The following ZC3HC1 variants were observed in gnomAD, a reference collection of about 807,000 sequenced individuals.
ZC3HC1 encodes zinc finger C3HC-type containing 1, also known as zinc finger C3HC-type protein 1.
ZC3HC1 carries 38 observed loss-of-function variants against 61.9 expected under a neutral mutation model. The observed-to-expected ratio is 0.61, with a 90% confidence interval of 0.47 to 0.81. The LOEUF is 0.81. ZC3HC1 is among the 30% of genes least tolerant of loss of function. The pLI is 0.00. For synonymous variants in ZC3HC1, 213 were observed against 229.9 expected, an observed-to-expected ratio of 0.93 and a Z score of 0.67; for missense variants, 554 against 622.7, an observed-to-expected ratio of 0.89 and a Z score of 1.17.
Position 130,024,271 on chromosome 7 carries a change from A to G in ZC3HC1, c.1012T>C (p.Ser338Pro), listed in dbSNP as rs1410459684. The change falls in exon 7 of 10, where the codon TCA (serine) becomes CCA (proline). Residue 338 changes from serine (S) to proline (P), a missense_variant. Coordinates refer to ENST00000358303, the MANE Select transcript of ZC3HC1 (RefSeq NM_016478.5). ...ATAAGCTAAGTGAATACCTGCTCTG[A>G]GCCTGGGGAGAAAGTGGCATCCTGG... is the stretch of plus-strand genomic sequence containing the variant. ...RSQDATFSPG[S>P]EQAEKSPGPI... The G allele has an allele frequency of 6.2e-7, 1 of 1,609,600 alleles. No individual in the cohort carries two copies. The highest frequency in any genetic ancestry group is 8.5e-7 in the Non-Finnish European group (1 of 1,177,234).
At chr7:130,044,146 A>G (rs1474570810) in intron 2 of ZC3HC1, among the ~76,000 whole-genome samples, 1 of 152,144 alleles carries the variant, frequency 6.6e-6, no homozygotes, top group Non-Finnish European at 1.5e-5. Context: ...GAACAGTGGC[A>G]TCCCACTAGC....
intron 4 of ZC3HC1, among the ~76,000 whole-genome samples, chr7:130,038,139 G>A (rs1794496615): frequency 6.6e-6 from 1 of 152,102 alleles, no homozygotes; most frequent in African/African-American, 2.4e-5. Context: ...TACACTTTGG[G>A]CTCTCTTATT....
Position 130,051,362 on chromosome 7 carries a change from G to T in ZC3HC1, c.5C>A (p.Ala2Glu), listed in dbSNP as rs1388745327. Reference sequence around the variant, plus strand: ...AAACGCTTGTCCCTCACAGGGCGCCGCCATCTTGGTCCGCTGCCGAGTTGC... The same window carrying T: ...AAACGCTTGTCCCTCACAGGGCGCCTCCATCTTGGTCCGCTGCCGAGTTGC... M[A>E]APCEGQAFAV... Residue 2 changes from alanine to glutamate, a missense_variant, in exon 1 of 10, where the codon GCG becomes GAG. By Grantham distance (107) the Ala-to-Glu change is moderately radical. Transcript: ENST00000358303. 2 of 1,612,140 alleles carry T rather than the reference G, an allele frequency of 1.2e-6. No homozygotes were observed. Among genetic ancestry groups the T allele is most frequent in the East Asian group, 4.5e-5 (2 of 44,702 alleles).
At chr7:130,033,515 C>G (rs988443844) in intron 4 of ZC3HC1, among the ~76,000 whole-genome samples, 1 of 143,146 alleles carries the variant, frequency 7.0e-6, no homozygotes, top group African/African-American at 2.7e-5. Flanking sequence ...TGCAGTGACA[C>G]GATCCCGGCT....
upstream of ZC3HC1, chr7:130,051,427 G>C: frequency 6.2e-7 from 1 of 1,604,778 alleles, no homozygotes; most frequent in Non-Finnish European, 8.5e-7. Flanking sequence ...TCCGTCCTGG[G>C]AGGTTAATAT....
rs764973212 is a variant in ZC3HC1, at chr7:130,023,627, T to C, written c.1117A>G (p.Thr373Ala). 6.2e-7 allele frequency: 1 copy of C among 1,613,988 alleles called. No individual in the cohort carries two copies. Among genetic ancestry groups the C allele is most frequent in the Admixed American group, 1.7e-5 (1 of 59,998 alleles). Residue 373 changes from threonine to alanine, a missense_variant, in exon 8 of 10, where the codon ACC becomes GCC. Coordinates refer to ENST00000358303, the MANE Select transcript of ZC3HC1 (RefSeq NM_016478.5). This position sits in a 1 kb window ranked among gnomAD's most constrained non-coding sequence, Gnocchi z 4.2. ...RPEPEAASPT[T>A]RTRPVTRSMG... is the part of the protein sequence containing the mutation. ...CTTCGGGTCACTGGGCGAGTTCTGG[T>C]GGTGGGGCTAGCAGCCTCTGGCTCA...
chr7:130,035,717 T>C (rs1794406892), intron 4 of ZC3HC1, among the ~76,000 whole-genome samples: 1 of 152,134 alleles, frequency 6.6e-6, no homozygotes, highest in Non-Finnish European at 1.5e-5. Context: ...CTCCTGACCT[T>C]GTGGTCCTCC....
rs1479956249 is a variant in ZC3HC1, at chr7:130,029,168, C to T, written c.494-139G>A. ...GGCGGATCACCTGAGGTCAGGAGTT[C>T]AAGACCAACCTAGCCAACCTAGAAA... On this transcript the variant is annotated intron_variant, in intron 4 of 9. Transcript: ENST00000358303. The T allele has an allele frequency of 1.9e-5, 17 of 873,890 alleles. No individual in the cohort carries two copies. In the East Asian group the frequency reaches 6.7e-4, roughly 34 times the overall value. 54.1% of individuals were successfully genotyped at this position (873,890 alleles called of 1,614,324 possible).
At chr7:130,044,147 T>C (rs1794783854) in intron 2 of ZC3HC1, among the ~76,000 whole-genome samples, 1 of 152,128 alleles carries the variant, frequency 6.6e-6, no homozygotes, top group Non-Finnish European at 1.5e-5. Context: ...AACAGTGGCA[T>C]CCCACTAGCT....
intron 4 of ZC3HC1, among the ~76,000 whole-genome samples, chr7:130,029,608 G>T (rs1794086949): frequency 6.6e-6 from 1 of 152,102 alleles, no homozygotes; most frequent in East Asian, 1.9e-4. Context: ...ATGCAGAGGG[G>T]CAGGGTGTTA....
intron 8 of ZC3HC1, 124 bp from the exon 9 acceptor site, chr7:130,022,649 C>T: frequency 1.9e-6 from 2 of 1,030,068 alleles, no homozygotes; most frequent in Non-Finnish European, 2.8e-6. Flanking sequence ...TTATGCTCTC[C>T]TTCAAACTTT....
intron 2 of ZC3HC1, among the ~76,000 whole-genome samples, chr7:130,048,282 T>C (rs1403377842): frequency 6.6e-6 from 1 of 151,798 alleles, no homozygotes; most frequent in Non-Finnish European, 1.5e-5. Flanking sequence ...CCTGAGTAGC[T>C]GGGATTACAA....
upstream of ZC3HC1, chr7:130,051,410 C>A (rs200083472): frequency 4.8e-5 from 77 of 1,609,810 alleles, no homozygotes; most frequent in Non-Finnish European, 6.0e-5. Flanking sequence ...TTGAAGGCTC[C>A]GGAACTTCCG....
intron 5 of ZC3HC1, 58 bp from the exon 6 acceptor site, chr7:130,026,370 C>G (rs1793911108): frequency 1.3e-6 from 2 of 1,559,088 alleles, no homozygotes; most frequent in African/African-American, 2.7e-5. Flanking sequence ...AAAAATTACA[C>G]ATTATAACAT....
chr7:130,045,451 T>C (rs1456081251), intron 2 of ZC3HC1: 2 of 457,006 alleles, frequency 4.4e-6, no homozygotes. Flanking sequence ...GTTGGCCATG[T>C]TGGAGTAGAG....
At chr7:130,040,214 G>A (rs950525027) in intron 3 of ZC3HC1, among the ~76,000 whole-genome samples, 2 of 109,726 alleles carry the variant, frequency 1.8e-5, no homozygotes, top group African/African-American at 6.6e-5. Context: ...AAAAAAAAAG[G>A]CCGGGCACGG....
intron 3 of ZC3HC1, 29 bp downstream of exon 3, chr7:130,040,922 G>GA: frequency 1.9e-6 from 3 of 1,585,184 alleles, no homozygotes; most frequent in East Asian, 2.2e-5. Flanking sequence ...TGAGTGTGGA[G>GA]AAAAATGTAA....
chr7:130,029,677 G>C (rs1794089579), intron 4 of ZC3HC1, among the ~76,000 whole-genome samples: 1 of 152,180 alleles, frequency 6.6e-6, no homozygotes, highest in South Asian at 2.1e-4. Flanking sequence ...TTGAAGTTGA[G>C]TGATGGGGTT....
At chr7:130,018,975 G>A (rs1227263614) in intron 9 of ZC3HC1, among the ~76,000 whole-genome samples, 3 of 151,672 alleles carry the variant, frequency 2.0e-5, no homozygotes, top group African/African-American at 4.8e-5. Flanking sequence ...TCAGGCATCT[G>A]TATCTGTCCT....
Sources: gnomAD v4.1 joint callset for allele counts (sites outside exome capture counted in the v4.1 genomes callset) on GRCh38, gnomAD v4.1.1 for gene constraint, Gnocchi (gnomAD v3.1) non-coding constraint, MANE v1.5 for transcripts, NCBI Gene and HGNC (gene_info 2026-07-23, HGNC 2026-07-21) for gene names.